The following HSD17B12 variants were observed in gnomAD, a reference collection of about 807,000 sequenced individuals.
HSD17B12 encodes very-long-chain 3-oxoacyl-CoA reductase.
Under a neutral mutation model 39.3 loss-of-function variants are expected in HSD17B12, and 32 were observed. That is an observed-to-expected ratio of 0.81 (90% CI 0.61 to 1.09). The LOEUF (loss-of-function observed/expected upper bound fraction) is 1.09, where lower values mean the gene tolerates loss of function less well. HSD17B12 is among the 50% of genes least tolerant of loss of function. The probability of loss-of-function intolerance (pLI) is 0.00; values close to 1 mark genes in which losing one functional copy is unlikely to be tolerated. For synonymous variants in HSD17B12, 150 were observed against 146.7 expected (o/e 1.02, Z -0.16); for missense variants, 342 against 382.9 (o/e 0.89, Z 0.89).
chr11:43,676,827 T>C (rs1341244960), upstream of HSD17B12, among the ~76,000 whole-genome samples: 1 of 152,210 alleles, frequency 6.6e-6, no homozygotes. Flanking sequence ...AAAATATGTA[T>C]TGTTAGTTTA....
the HSD17B12 span, among the ~76,000 whole-genome samples, chr11:43,662,271 T>C: frequency 5.3e-5 from 8 of 150,622 alleles, no homozygotes; most frequent in East Asian, 1.6e-3. Flanking sequence ...CAATCTTAGC[T>C]CACTGCAACC....
chr11:43,597,510 G>A, the HSD17B12 span, among the ~76,000 whole-genome samples: 548 of 152,268 alleles, frequency 3.6e-3, 5 homozygotes, highest in East Asian at 0.03. Flanking sequence ...TTAGACTGAG[G>A]GAGTTGCTCT....
chr11:43,788,587 C>G (rs376241793), intron 3 of HSD17B12, among the ~76,000 whole-genome samples: 1 of 150,736 alleles, frequency 6.6e-6, no homozygotes, highest in Non-Finnish European at 1.5e-5. Flanking sequence ...TCCTCTCTCA[C>G]GGGACTAATG....
intron 3 of HSD17B12, among the ~76,000 whole-genome samples, chr11:43,784,203 G>A (rs1175457882): frequency 6.6e-6 from 1 of 151,956 alleles, no homozygotes; most frequent in Non-Finnish European, 1.5e-5. Context: ...GTTACTGGGG[G>A]CTACATGCAT....
Position 43,680,894 on chromosome 11 carries a change from G to T in HSD17B12, c.67G>T (p.Ala23Ser). Residue 23 changes from alanine to serine, a missense_variant, in exon 1 of 11, where the codon GCC (alanine) becomes TCC (serine). Ala to Ser is a moderately conservative substitution (Grantham distance 99, BLOSUM62 1). Coordinates refer to ENST00000278353, the MANE Select transcript of HSD17B12 (RefSeq NM_016142.3). ...WVGAGTVAYL[A>S]LRISYSLFTA... ...CGGCGCGGGCACCGTGGCCTACCTAGCCCTGCGTATTTCGTACTCGCTCTT... is the reference window on the plus strand; with the variant it reads ...CGGCGCGGGCACCGTGGCCTACCTATCCCTGCGTATTTCGTACTCGCTCTT... 1 of 1,614,054 alleles carries T rather than the reference G, an allele frequency of 6.2e-7. No homozygotes were observed. Among genetic ancestry groups the T allele is most frequent in the Non-Finnish European group, 8.5e-7 (1 of 1,179,996 alleles).
Position 43,681,005 on chromosome 11 carries a change from C to A in HSD17B12, c.160+18C>A. 6.4e-7 allele frequency: 1 copy of A among 1,571,490 alleles called. No homozygotes were observed. Among genetic ancestry groups the A allele is most frequent in the Non-Finnish European group, 8.7e-7 (1 of 1,155,908 alleles). On this transcript the variant is annotated intron_variant, in intron 1 of 10. Transcript: ENST00000278353. ...ATGGGCAGGTGAGTCGGATGCAGCGCCGCGTCCTCGCTCCCGCGGCGGCCC... is the reference window on the plus strand; with the variant it reads ...ATGGGCAGGTGAGTCGGATGCAGCGACGCGTCCTCGCTCCCGCGGCGGCCC...
At chr11:43,799,128 C>A (rs73540464) in intron 4 of HSD17B12, among the ~76,000 whole-genome samples, 2 of 151,732 alleles carry the variant, frequency 1.3e-5, no homozygotes, top group Admixed American at 6.6e-5. Flanking sequence ...TCACTATTAC[C>A]CCCCGAGAAG....
the HSD17B12 span, among the ~76,000 whole-genome samples, chr11:43,610,015 C>T: frequency 1.3e-5 from 2 of 152,070 alleles, no homozygotes; most frequent in Admixed American, 6.6e-5. Flanking sequence ...GCTGTTAGGG[C>T]GGGATAAAAT....
chr11:43,773,972 A>G (rs762452902), intron 3 of HSD17B12, among the ~76,000 whole-genome samples: 17 of 152,098 alleles, frequency 1.1e-4, no homozygotes, highest in Non-Finnish European at 2.2e-4. Context: ...TCTGTTGTAC[A>G]TCGGGTATAG....
chr11:43,595,309 C>T, the HSD17B12 span, among the ~76,000 whole-genome samples: 2 of 152,180 alleles, frequency 1.3e-5, no homozygotes, highest in African/African-American at 4.8e-5. Flanking sequence ...CATCTTTTCA[C>T]CTAAATCTGT....
At chr11:43,649,723 G>T in the HSD17B12 span, among the ~76,000 whole-genome samples, 1 of 152,190 alleles carries the variant, frequency 6.6e-6, no homozygotes. Flanking sequence ...AATCTGAGTG[G>T]ATCCTTCGAC....
At chr11:43,608,939 CT>C in the HSD17B12 span, among the ~76,000 whole-genome samples, 90 of 151,928 alleles carry the variant, frequency 5.9e-4, 1 homozygote, top group Non-Finnish European at 5.9e-5. Flanking sequence ...CCCCCAACCT[CT>C]TTTTTTGAGA....
At chr11:43,827,961 CAT>C (rs1261586170) in intron 6 of HSD17B12, among the ~76,000 whole-genome samples, 4 of 152,026 alleles carry the variant, frequency 2.6e-5, no homozygotes, top group Admixed American at 6.6e-5. Context: ...TGTGATATAA[CAT>C]ATATATTAAA....
chr11:43,810,180 C>G (rs1448054351), intron 4 of HSD17B12, among the ~76,000 whole-genome samples: 2 of 151,936 alleles, frequency 1.3e-5, no homozygotes, highest in Non-Finnish European at 2.9e-5. Context: ...TCACGCCTAA[C>G]CCAGATACCA....
chr11:43,852,041 A>T (rs945589833), intron 9 of HSD17B12: 5 of 152,214 alleles, frequency 3.3e-5, no homozygotes, highest in African/African-American at 7.2e-5. Context: ...CCACTAGGCC[A>T]TGTTAACTGC....
At chr11:43,784,737 T>C (rs1283448234) in intron 3 of HSD17B12, among the ~76,000 whole-genome samples, 1 of 152,176 alleles carries the variant, frequency 6.6e-6, no homozygotes, top group African/African-American at 2.4e-5. Flanking sequence ...TTTTAAATCT[T>C]CTTATAGCTG....
chr11:43,702,375 A>G (rs1399048310), intron 1 of HSD17B12, among the ~76,000 whole-genome samples: 3 of 152,188 alleles, frequency 2.0e-5, no homozygotes, highest in African/African-American at 7.2e-5. Flanking sequence ...GTTGAATAAC[A>G]GTGGTGAAAG....
chr11:43,728,303 TG>T (rs1375350419), intron 1 of HSD17B12, among the ~76,000 whole-genome samples: 2 of 152,122 alleles, frequency 1.3e-5, no homozygotes, highest in Non-Finnish European at 2.9e-5. Context: ...TGACCTCAGG[TG>T]ATCTGCCCAC....
chr11:43,706,923 A>T (rs979304502), intron 1 of HSD17B12, among the ~76,000 whole-genome samples: 1 of 152,094 alleles, frequency 6.6e-6, no homozygotes, highest in South Asian at 2.1e-4. Flanking sequence ...AATTTTGAAA[A>T]TTTTATGCCT....
Sources: gnomAD v4.1 joint callset for allele counts (sites outside exome capture counted in the v4.1 genomes callset) on GRCh38, gnomAD v4.1.1 for gene constraint, MANE v1.5 for transcripts, NCBI Gene and HGNC (gene_info 2026-07-23, HGNC 2026-07-21) for gene names.